Variants in IFT140 observed in about 807,000 individuals in gnomAD.
The protein encoded by IFT140 is intraflagellar transport 140, also known as intraflagellar transport protein 140 homolog.
IFT140 carries 133 observed loss-of-function variants against 164.6 expected under a neutral mutation model. That is an observed-to-expected ratio of 0.81 (90% confidence interval 0.70 to 0.93). The LOEUF (loss-of-function observed/expected upper bound fraction) is 0.93, where lower values mean the gene tolerates loss of function less well. Among genes scored for constraint, IFT140 ranks in the 40% least tolerant of loss-of-function variants. IFT140 has a pLI of 0.00. For missense variants in IFT140, 2,045 were observed against 1,972.3 expected, an observed-to-expected ratio of 1.04 and a Z score of -0.70; for synonymous variants, 860 against 817.3, an observed-to-expected ratio of 1.05 and a Z score of -0.89.
At chr16:1,563,938 T>C (rs1222946376) in intron 17 of IFT140, 59 bp downstream of exon 17, 11 of 1,471,728 alleles carry the variant, frequency 7.5e-6, no homozygotes, top group Middle Eastern at 2.6e-4. Flanking sequence ...ATGAAGATCT[T>C]AAGTCTGTCA....
chr16:1,542,086 T>C (rs2076444), intron 19 of IFT140: 344,732 of 1,590,608 alleles, frequency 0.22, 42,277 homozygotes, highest in African/African-American at 0.48. Flanking sequence ...AGTAAGTACC[T>C]GGGCGGGTGT....
At chr16:1,568,543 T>C (rs1421211466) in intron 14 of IFT140, among the ~76,000 whole-genome samples, 1 of 152,182 alleles carries the variant, frequency 6.6e-6, no homozygotes, top group Non-Finnish European at 1.5e-5. Context: ...CAAGGACGAA[T>C]ATGAGTGCTT....
At chr16:1,558,986 G>C (rs2033260035) in intron 18 of IFT140, among the ~76,000 whole-genome samples, 1 of 152,250 alleles carries the variant, frequency 6.6e-6, no homozygotes, top group Non-Finnish European at 1.5e-5. Context: ...CACTTGGCCT[G>C]GGTCTCAAAG....
chr16:1,534,139 G>A (rs1213735367), intron 19 of IFT140: 2 of 1,122,384 alleles, frequency 1.8e-6, no homozygotes, highest in African/African-American at 1.6e-5. Context: ...ACCATCCCAT[G>A]GGCCTCCGCC....
chr16:1,541,454 A>T, intron 19 of IFT140: 1 of 985,356 alleles, frequency 1.0e-6, no homozygotes, highest in Non-Finnish European at 1.2e-6. Context: ...AGCACGCAGG[A>T]CAGCACGCCT....
Position 1,562,089 on chromosome 16 carries a change from TGAA to T in IFT140, c.2092_2094del (p.Phe698del), listed in dbSNP as rs768883274. 1.7e-5 allele frequency: 28 copies of T among 1,609,168 alleles called. No homozygotes were observed. Among genetic ancestry groups the T allele is most frequent in the African/African-American group, 4.0e-5 (3 of 74,422 alleles). Reference sequence around the variant, plus strand: ...AGCAGGAAGCCGTGCTCTTCGGAAATGAAGAAGGACAGGATCAAAACATCTGCC... The same window carrying T: ...AGCAGGAAGCCGTGCTCTTCGGAAATGAAGGACAGGATCAAAACATCTGCC... On this transcript the variant is annotated inframe_deletion, in exon 18 of 31. Transcript: ENST00000426508.
chr16:1,566,241 G>A lies in IFT140; in HGVS notation c.1821C>T (p.Asp607=), dbSNP rs1293276818. 1 of 1,613,852 alleles carries A rather than the reference G, an allele frequency of 6.2e-7. No homozygotes were observed. Among genetic ancestry groups the A allele is most frequent in the Admixed American group, 1.7e-5 (1 of 60,024 alleles). The change falls in exon 16 of 31, where the codon GAC becomes GAT. Residue 607 remains aspartate, a synonymous_variant. Transcript: ENST00000426508. ...SKICFYDVEM[D]TVTVFDFKTG... Reference sequence around the variant, plus strand: ...TCTTGAAGTCAAAGACGGTCACTGTGTCCATTTCAACATCGTAGAAGCAGA... The same window carrying A: ...TCTTGAAGTCAAAGACGGTCACTGTATCCATTTCAACATCGTAGAAGCAGA...
rs370160562 is a variant in IFT140, at chr16:1,560,367, G to A, written c.2199+1618C>T. On this transcript the variant is annotated intron_variant, in intron 18 of 30. Coordinates refer to ENST00000426508, the MANE Select transcript of IFT140 (RefSeq NM_014714.4). Reference sequence around the variant, plus strand: ...GTGACCAGGAACACGGCCGCCAACCGCACCCAGGTTCGCGTTTGTGTGAAT... The same window carrying A: ...GTGACCAGGAACACGGCCGCCAACCACACCCAGGTTCGCGTTTGTGTGAAT... Among the ~76,000 whole-genome samples, 20 of 152,304 alleles carry A rather than the reference G, an allele frequency of 1.3e-4. No individual in the cohort carries two copies. In the East Asian group the frequency reaches 3.7e-3, roughly 28 times the overall value.
Position 1,557,039 on chromosome 16 carries a change from C to T in IFT140, c.2399+896G>A, listed in dbSNP as rs182719511. 1.2e-4 allele frequency among the ~76,000 whole-genome samples: 18 copies of T among 152,222 alleles called. No homozygotes were observed. The East Asian group carries it at 3.3e-3, about 28-fold the overall frequency. On this transcript the variant is annotated intron_variant, in intron 19 of 30. Transcript: ENST00000426508. ...CCATGTTGGTCAGGCTGGTCTCGAA[C>T]GAACTCCCGACCTCAGGTGATCCAC... is the stretch of plus-strand genomic sequence containing the variant.
At chr16:1,550,071 GAGGCTAC>G (rs2032507418) in intron 19 of IFT140, among the ~76,000 whole-genome samples, 1 of 152,048 alleles carries the variant, frequency 6.6e-6, no homozygotes, top group Admixed American at 6.6e-5. Context: ...CTGAATAGCT[GAGGCTAC>G]AGGTGTGCAC....
chr16:1,600,695 G>A (rs1038258390), intron 4 of IFT140, among the ~76,000 whole-genome samples: 1 of 152,126 alleles, frequency 6.6e-6, no homozygotes, highest in Non-Finnish European at 1.5e-5. Context: ...GAAAAAGCAA[G>A]AGACATGACA....
At chr16:1,516,996 A>G (rs1479744219) in intron 30 of IFT140, among the ~76,000 whole-genome samples, 1 of 152,184 alleles carries the variant, frequency 6.6e-6, no homozygotes, top group East Asian at 1.9e-4. Flanking sequence ...TGGGGGAGAA[A>G]AGAAGAGCAT....
Position 1,602,493 on chromosome 16 carries a change from A to C in IFT140, c.246T>G (p.Thr82=), listed in dbSNP as rs752449426. 4 of 1,614,150 alleles carry C rather than the reference A, an allele frequency of 2.5e-6. No homozygotes were observed. The highest frequency in any genetic ancestry group is 1.7e-6 in the Non-Finnish European group (2 of 1,180,024). ...TRLVLAVGWE[T]GEVTVFNKQD... ...GCTTGTTAAACACCGTCACTTCTCC[A>C]GTCTCCCAGCCCACAGCCAGCACCA... The change falls in exon 4 of 31, where the codon ACT becomes ACG. Residue 82 remains threonine (T), a synonymous_variant. Coordinates refer to ENST00000426508, the MANE Select transcript of IFT140 (RefSeq NM_014714.4).
intron 30 of IFT140, 59 bp downstream of exon 30, chr16:1,518,157 C>A: frequency 6.4e-7 from 1 of 1,573,916 alleles, no homozygotes. Context: ...GCCGTTAAGC[C>A]TTCGTTTCAG....
At chr16:1,526,178 C>G in intron 20 of IFT140, 101 bp from the exon 21 acceptor site, 1 of 1,133,924 alleles carries the variant, frequency 8.8e-7, no homozygotes. Flanking sequence ...CTTCCCACAC[C>G]GCCAAGCACA....
intron 4 of IFT140, among the ~76,000 whole-genome samples, chr16:1,596,790 C>T (rs369775989): frequency 1.4e-4 from 22 of 152,276 alleles, no homozygotes; most frequent in African/African-American, 4.6e-4. Flanking sequence ...CTGCTCCTCA[C>T]CCCTGACTCT....
intron 19 of IFT140, chr16:1,532,650 C>G (rs2030628545): frequency 6.6e-6 from 1 of 152,262 alleles, no homozygotes; most frequent in African/African-American, 2.4e-5. Context: ...TGGGCGTGTG[C>G]CCATGAACAG....
At chr16:1,557,788 A>G (rs959355866) in intron 19 of IFT140, 147 bp downstream of exon 19, 26 of 795,770 alleles carry the variant, frequency 3.3e-5, no homozygotes, top group Middle Eastern at 3.8e-4. Context: ...GCAGCATTTC[A>G]TCGAGTGGGA....
chr16:1,552,028 G>A (rs888821132), intron 19 of IFT140, among the ~76,000 whole-genome samples: 10 of 152,164 alleles, frequency 6.6e-5, no homozygotes, highest in African/African-American at 1.9e-4. Flanking sequence ...CACGGCAACC[G>A]CAGACCGTGA....
Sources: gnomAD v4.1 joint callset for allele counts (sites outside exome capture counted in the v4.1 genomes callset) on GRCh38, gnomAD v4.1.1 for gene constraint, MANE v1.5 for transcripts, NCBI Gene and HGNC (gene_info 2026-07-23, HGNC 2026-07-21) for gene names.